Variants in LINGO1 observed in about 807,000 individuals in gnomAD.
LINGO1 encodes the protein leucine rich repeat and Ig domain containing 1, also known as leucine-rich repeat and immunoglobulin-like domain-containing nogo receptor-interacting protein 1.
Under a neutral mutation model 37.3 loss-of-function variants are expected in LINGO1, and 11 were observed. The observed-to-expected ratio is 0.29, with a 90% CI of 0.19 to 0.49. The LOEUF is 0.49. LINGO1 is among the 20% of genes least tolerant of loss of function. LINGO1 has a pLI of 0.99. For synonymous variants in LINGO1, 387 were observed against 403.0 expected (o/e 0.96, Z 0.48); for missense variants, 585 against 878.2 (o/e 0.67, Z 4.22).
At chr15:77,662,313 C>T (rs114050792) in intron 3 of LINGO1, among the ~76,000 whole-genome samples, 353 of 152,302 alleles carry the variant, frequency 2.3e-3, no homozygotes, top group African/African-American at 8.2e-3. Flanking sequence ...CACTAAGTTA[C>T]AGCTTGGCCT....
At chr15:77,771,082 T>C (rs1286240747) in intron 1 of LINGO1, among the ~76,000 whole-genome samples, 1 of 152,082 alleles carries the variant, frequency 6.6e-6, no homozygotes, top group Non-Finnish European at 1.5e-5. Context: ...AGAGATGGGA[T>C]AACAGCATCA....
chr15:77,805,122 C>T (rs2076949645), intron 1 of LINGO1, among the ~76,000 whole-genome samples: 2 of 152,234 alleles, frequency 1.3e-5, no homozygotes, highest in Non-Finnish European at 1.5e-5. Context: ...CACCTTGTCC[C>T]CCTTGGACAA....
At chr15:77,803,876 C>T (rs902095536) in intron 1 of LINGO1, among the ~76,000 whole-genome samples, 1 of 152,142 alleles carries the variant, frequency 6.6e-6, no homozygotes, top group African/African-American at 2.4e-5. Flanking sequence ...TCATAAATTA[C>T]CCAGTCTCAG....
chr15:77,633,697 G>T (rs2074335832), upstream of LINGO1, among the ~76,000 whole-genome samples: 1 of 152,198 alleles, frequency 6.6e-6, no homozygotes, highest in Non-Finnish European at 1.5e-5. Context: ...CCTCCGCCTG[G>T]GCTTGACTGT....
intron 2 of LINGO1, among the ~76,000 whole-genome samples, chr15:77,734,201 G>A (rs1001190797): frequency 2.6e-5 from 4 of 152,110 alleles, no homozygotes; most frequent in Non-Finnish European, 5.9e-5. Context: ...GAGGGGTGCC[G>A]TCTCCCCAAC....
At chr15:77,682,774 T>C (rs990913512) in intron 2 of LINGO1, among the ~76,000 whole-genome samples, 1 of 152,006 alleles carries the variant, frequency 6.6e-6, no homozygotes, top group African/African-American at 2.4e-5. Flanking sequence ...CAGAACGGCC[T>C]TTCCCAGTCA....
At chr15:77,648,844 T>C (rs1213396482) in intron 3 of LINGO1, 2 of 152,332 alleles carry the variant, frequency 1.3e-5, no homozygotes, top group African/African-American at 2.4e-5. Flanking sequence ...CCTGATTCTC[T>C]GGGACCCCAG....
intron 2 of LINGO1, among the ~76,000 whole-genome samples, chr15:77,726,249 G>A (rs1343275570): frequency 1.3e-5 from 2 of 152,330 alleles, no homozygotes; most frequent in South Asian, 2.1e-4. Flanking sequence ...GTCTGATGGA[G>A]TTCCTGACCC....
At chr15:77,623,853 CTGTGTG>C (rs59528630) in intron 1 of LINGO1, among the ~76,000 whole-genome samples, 37 of 146,232 alleles carry the variant, frequency 2.5e-4, no homozygotes, top group African/African-American at 7.6e-4. Flanking sequence ...TGTGAGTGGC[CTGTGTG>C]TGTGTGTGTG....
intron 1 of LINGO1, among the ~76,000 whole-genome samples, chr15:77,772,254 G>A (rs571436278): frequency 1.4e-4 from 22 of 152,354 alleles, no homozygotes; most frequent in African/African-American, 4.8e-4. Context: ...GTCAGGCAGT[G>A]AGATGAAGTG....
At chr15:77,708,442 A>G (rs1332613453) in intron 2 of LINGO1, among the ~76,000 whole-genome samples, 1 of 152,184 alleles carries the variant, frequency 6.6e-6, no homozygotes, top group Non-Finnish European at 1.5e-5. Context: ...CTGGGCCCAG[A>G]AGGAAAACGA....
intron 1 of LINGO1, among the ~76,000 whole-genome samples, chr15:77,693,534 T>G (rs1485175682): frequency 1.3e-5 from 2 of 152,204 alleles, no homozygotes; most frequent in Non-Finnish European, 2.9e-5. Flanking sequence ...GCTTTGGATT[T>G]CATCCCAAAT....
rs182767899 is a variant in LINGO1 at position 77,689,287 on chromosome 15, A to C, written c.-99+1433T>G. Among the ~76,000 whole-genome samples the C allele has an allele frequency of 4.7e-3, 715 of 150,622 alleles. 7 individuals carry two copies. Among genetic ancestry groups the C allele is most frequent in the African/African-American group, 0.017 (690 of 40,058 alleles). On this transcript the variant is annotated intron_variant, in intron 2 of 3. Transcript: ENST00000559893. ...CTGGCTGCCAGCCCCCTATGGTAGG[A>C]GGCACCGGGGGCAGGAAGAGCAAAA...
chr15:77,813,036 C>T (rs975069090), intron 1 of LINGO1, among the ~76,000 whole-genome samples: 3 of 152,236 alleles, frequency 2.0e-5, no homozygotes, highest in African/African-American at 4.8e-5. Flanking sequence ...CAGGCACGCC[C>T]AAGGAACACA....
At chr15:77,800,537 C>A (rs745753816) in intron 1 of LINGO1, among the ~76,000 whole-genome samples, 18 of 152,188 alleles carry the variant, frequency 1.2e-4, no homozygotes, top group Non-Finnish European at 2.6e-4. Context: ...GCCAGGCCTG[C>A]AGCTGCCGAG....
At chr15:77,799,484 A>T (rs1348390532) in intron 1 of LINGO1, among the ~76,000 whole-genome samples, 1 of 152,158 alleles carries the variant, frequency 6.6e-6, no homozygotes, top group Non-Finnish European at 1.5e-5. Flanking sequence ...GGTATTTCTC[A>T]TTAGCACCCC....
At chr15:77,637,266 T>C (rs1004774606), upstream of LINGO1, among the ~76,000 whole-genome samples, 2 of 152,202 alleles carry the variant, frequency 1.3e-5, no homozygotes, top group African/African-American at 2.4e-5. The surrounding 1 kb of genome is among the most constrained non-coding windows in gnomAD (Gnocchi z 4.6). Context: ...GGAACATCCA[T>C]GGTGGGTGCA....
At chr15:77,776,497 GCA>G (rs1441059946) in intron 1 of LINGO1, among the ~76,000 whole-genome samples, 4 of 77,202 alleles carry the variant, frequency 5.2e-5, no homozygotes, top group South Asian at 4.6e-4. Flanking sequence ...AAGCAGGAAG[GCA>G]GGAAGGCAGG....
Position 77,614,248 on chromosome 15 carries a change from G to A in LINGO1, c.1659C>T (p.Asp553=), listed in dbSNP as rs370106704. 3 of 1,613,950 alleles carry A rather than the reference G, an allele frequency of 1.9e-6. No individual in the cohort carries two copies. The highest frequency in any genetic ancestry group is 3.3e-5 in the Admixed American group (2 of 60,008). ...STRATVPFPF[D]IKTLIIATTM... ...TGGTGGCGATGATGAGGGTCTTGAT[G>A]TCGAAGGGGAAAGGCACAGTGGCGC... The change falls in exon 2 of 2, where the codon GAC becomes GAT. Residue 553 remains aspartate (D), a synonymous_variant. Coordinates refer to ENST00000355300, the MANE Select transcript of LINGO1 (RefSeq NM_032808.7).
Sources: gnomAD v4.1 joint callset for allele counts (sites outside exome capture counted in the v4.1 genomes callset) on GRCh38, gnomAD v4.1.1 for gene constraint, Gnocchi (gnomAD v3.1) non-coding constraint, MANE v1.5 for transcripts, NCBI Gene and HGNC (gene_info 2026-07-23, HGNC 2026-07-21) for gene names.